The following SHISA6 variants were observed in gnomAD, a reference collection of about 807,000 sequenced individuals.
SHISA6 encodes protein shisa-6.
A neutral mutation model predicts 47.9 loss-of-function variants in SHISA6; 22 were observed. That is an observed-to-expected ratio of 0.46 (90% CI 0.33 to 0.66). The LOEUF (loss-of-function observed/expected upper bound fraction) is 0.66. Ranked by LOEUF, SHISA6 falls within the 30% of genes least tolerant of loss-of-function variation. The probability of loss-of-function intolerance (pLI) is 0.02; values close to 1 mark genes in which losing one functional copy is unlikely to be tolerated. For synonymous variants in SHISA6, 388 were observed against 337.8 expected (o/e 1.15, Z -1.63); for missense variants, 680 against 764.6 (o/e 0.89, Z 1.30).
At chr17:11,443,125 T>G (rs1196986570) in intron 3 of SHISA6, among the ~76,000 whole-genome samples, 2 of 152,230 alleles carry the variant, frequency 1.3e-5, no homozygotes, top group Non-Finnish European at 2.9e-5. Flanking sequence ...GTGACACACG[T>G]ACTTGACCCG....
intron 3 of SHISA6, among the ~76,000 whole-genome samples, chr17:11,401,425 C>T (rs35099703): frequency 6.6e-6 from 1 of 152,208 alleles, no homozygotes; most frequent in African/African-American, 2.4e-5. Flanking sequence ...CCTCAAACTC[C>T]TGAGCTCAAG....
chr17:11,294,245 C>T (rs1215909278), intron 2 of SHISA6, among the ~76,000 whole-genome samples: 2 of 152,162 alleles, frequency 1.3e-5, no homozygotes, highest in African/African-American at 2.4e-5. Context: ...CCAACAAAAC[C>T]TTCAGAGATA....
chr17:11,464,196 C>T (rs938871322), intron 3 of SHISA6, among the ~76,000 whole-genome samples: 2 of 152,142 alleles, frequency 1.3e-5, no homozygotes, highest in East Asian at 1.9e-4. Flanking sequence ...GGATTACAGA[C>T]GTGAGCCACT....
In SHISA6 at chr17:11,242,052, C is replaced by T; in HGVS notation, c.630C>T (p.Asn210=). Residue 210 remains asparagine (N), a synonymous_variant, in exon 1 of 6, where the codon AAC becomes AAT. Transcript: ENST00000441885. ...CCCACCGCCCTCCACGGGAGATGAA[C>T]ATCCACAGGTGAGAGCGCCGCGTGC... The part of the protein sequence containing the change: ...DKAHRPPREM[N]IHRALADILR... 1.9e-6 allele frequency: 3 copies of T among 1,550,610 alleles called. No individual in the cohort carries two copies. The highest frequency in any genetic ancestry group is 2.6e-6 in the Non-Finnish European group (3 of 1,147,012).
intron 3 of SHISA6, among the ~76,000 whole-genome samples, chr17:11,534,626 A>G (rs577176385): frequency 2.2e-4 from 33 of 152,328 alleles, no homozygotes; most frequent in African/African-American, 7.5e-4. Context: ...ACAGTAAAGA[A>G]AGATTACCTG....
intron 3 of SHISA6, among the ~76,000 whole-genome samples, chr17:11,516,319 C>T (rs2142359178): frequency 6.6e-6 from 1 of 152,304 alleles, no homozygotes; most frequent in African/African-American, 2.4e-5. Context: ...AGTCTAATTC[C>T]ACAGTCATCA....
chr17:11,431,895 G>A (rs1914787345), intron 3 of SHISA6, among the ~76,000 whole-genome samples: 1 of 152,176 alleles, frequency 6.6e-6, no homozygotes, highest in Admixed American at 6.5e-5. Flanking sequence ...TGGTTCTGTT[G>A]CTAAGAAAAG....
intron 1 of SHISA6, among the ~76,000 whole-genome samples, chr17:11,256,846 C>T (rs1202003764): frequency 6.6e-6 from 1 of 152,168 alleles, no homozygotes; most frequent in Non-Finnish European, 1.5e-5. Flanking sequence ...AATTGGGCCC[C>T]CAGGGGATGC....
chr17:11,407,274 G>T (rs974605706), intron 3 of SHISA6, among the ~76,000 whole-genome samples: 1 of 151,990 alleles, frequency 6.6e-6, no homozygotes, highest in African/African-American at 2.4e-5. Context: ...CCTGGTAAGT[G>T]GTGGAGCCTC....
intron 3 of SHISA6, among the ~76,000 whole-genome samples, chr17:11,396,370 C>T (rs1361222619): frequency 1.3e-5 from 2 of 152,106 alleles, no homozygotes; most frequent in Non-Finnish European, 2.9e-5. Flanking sequence ...TGTTTAGTAT[C>T]AATGTTATAC....
chr17:11,251,032 A>G (rs1292480955), intron 1 of SHISA6, among the ~76,000 whole-genome samples: 2 of 152,002 alleles, frequency 1.3e-5, no homozygotes, highest in Non-Finnish European at 1.5e-5. Context: ...TAGATGAGGA[A>G]ACCGATTCAG....
intron 1 of SHISA6, among the ~76,000 whole-genome samples, chr17:11,254,907 G>T (rs1409208880): frequency 6.6e-6 from 1 of 152,176 alleles, no homozygotes; most frequent in African/African-American, 2.4e-5. Flanking sequence ...CCAGAAATGG[G>T]GTTATAATTC....
intron 1 of SHISA6, among the ~76,000 whole-genome samples, chr17:11,248,645 A>T (rs1053455652): frequency 1.3e-5 from 2 of 152,150 alleles, no homozygotes; most frequent in African/African-American, 2.4e-5. Context: ...GTCTCCACTA[A>T]AATGATTTCT....
At position 11,559,468 on chromosome 17, in the gene SHISA6, C is replaced by G. The variant is rs2072018602; in HGVS notation, c.*1164C>G. The G allele has an allele frequency of 6.6e-6, 1 of 152,394 alleles. No homozygotes were observed. Among genetic ancestry groups the G allele is most frequent in the Admixed American group, 6.5e-5 (1 of 15,292 alleles). The allele number at this position is 152,394 out of a possible 1,614,324, so 9.4% of individuals were successfully genotyped here. A position where few individuals can be genotyped will look rare whatever the true frequency, so the allele number is the denominator to read the frequency against. ...AGGTGGTTGTCCTGCATCCTCTCCG[C>G]TCATCCTTCCTTCCCCATCTCTGTC... is the stretch of plus-strand genomic sequence containing the variant. On this transcript the variant is annotated 3_prime_UTR_variant, in exon 6 of 6. Coordinates refer to ENST00000441885, the MANE Select transcript of SHISA6 (RefSeq NM_207386.4). The surrounding 1 kb of genome is among the most constrained non-coding windows in gnomAD (Gnocchi z 4.4).
chr17:11,248,541 C>T (rs1907677389), intron 1 of SHISA6, among the ~76,000 whole-genome samples: 1 of 152,154 alleles, frequency 6.6e-6, no homozygotes. Flanking sequence ...CACCAAATAA[C>T]TTTGGGATCC....
chr17:11,291,524 C>T (rs905410981), intron 2 of SHISA6, among the ~76,000 whole-genome samples: 1 of 151,974 alleles, frequency 6.6e-6, no homozygotes, highest in Non-Finnish European at 1.5e-5. Context: ...GTCCCAGCTA[C>T]TCGGGAGGCT....
chr17:11,539,329 T>C (rs1215888290), intron 3 of SHISA6, among the ~76,000 whole-genome samples: 1 of 152,236 alleles, frequency 6.6e-6, no homozygotes, highest in Non-Finnish European at 1.5e-5. Flanking sequence ...AACTTTCCTT[T>C]GACTCACTAA....
At chr17:11,514,254 T>C (rs1358194301) in intron 3 of SHISA6, among the ~76,000 whole-genome samples, 2 of 152,230 alleles carry the variant, frequency 1.3e-5, no homozygotes, top group African/African-American at 4.8e-5. Flanking sequence ...CCTAACATGC[T>C]GACTTAATGT....
chr17:11,547,894 G>A (rs2071896247), intron 3 of SHISA6, among the ~76,000 whole-genome samples: 1 of 152,154 alleles, frequency 6.6e-6, no homozygotes, highest in African/African-American at 2.4e-5. Context: ...AGCTAAGGAA[G>A]TTTAAAATGT....
Sources: gnomAD v4.1 joint callset for allele counts (sites outside exome capture counted in the v4.1 genomes callset) on GRCh38, gnomAD v4.1.1 for gene constraint, Gnocchi (gnomAD v3.1) non-coding constraint, MANE v1.5 for transcripts, NCBI Gene and HGNC (gene_info 2026-07-23, HGNC 2026-07-21) for gene names.